The following BPIFB1 variants were observed in gnomAD, a reference collection of about 807,000 sequenced individuals.
BPIFB1 encodes the protein BPI fold-containing family B member 1.
A neutral mutation model predicts 55.1 loss-of-function variants in BPIFB1; 34 were observed. That is an observed-to-expected ratio of 0.62 (90% confidence interval 0.47 to 0.82). The LOEUF (loss-of-function observed/expected upper bound fraction) is 0.82. Ranked by LOEUF, BPIFB1 falls within the 40% of genes least tolerant of loss-of-function variation. The pLI is 0.00. For synonymous variants in BPIFB1, 236 were observed against 245.3 expected, an observed-to-expected ratio of 0.96 and a Z score of 0.35; for missense variants, 532 against 593.1, an observed-to-expected ratio of 0.90 and a Z score of 1.07.
In BPIFB1 at chr20:33,306,867, C is replaced by G. The variant is rs776991246; in HGVS notation, c.1319-44C>G. Reference sequence around the variant, plus strand: ...CTGAGCCTGCCCCTGGCTGCCCAGTCTCACCCCAGGCCCATCAGTTTCTGA... The same window carrying G: ...CTGAGCCTGCCCCTGGCTGCCCAGTGTCACCCCAGGCCCATCAGTTTCTGA... On this transcript the variant is annotated intron_variant, in intron 14 of 15. Coordinates refer to ENST00000253354, the MANE Select transcript of BPIFB1 (RefSeq NM_033197.3). The G allele has an allele frequency of 6.4e-6, 10 of 1,556,840 alleles. No individual in the cohort carries two copies. The African/African-American group carries it at 1.2e-4, about 19-fold the overall frequency.
At chr20:33,289,381 CAAAAAAAAAAAAACA>C (rs1254309834) in intron 3 of BPIFB1, among the ~76,000 whole-genome samples, 3 of 105,812 alleles carry the variant, frequency 2.8e-5, no homozygotes, top group Non-Finnish European at 6.1e-5. Context: ...GATTCTGTCT[CAAAAAAAAAAAAACA>C]AAAAAAAAAA....
intron 11 of BPIFB1, 107 bp downstream of exon 11, chr20:33,303,181 T>A: frequency 7.1e-7 from 1 of 1,413,574 alleles, no homozygotes; most frequent in South Asian, 1.3e-5. Flanking sequence ...TCTCATCACT[T>A]AGCAGGGACA....
intron 15 of BPIFB1, 29 bp downstream of exon 15, chr20:33,307,016 C>A: frequency 1.2e-6 from 2 of 1,600,244 alleles, no homozygotes; most frequent in Non-Finnish European, 1.7e-6. Flanking sequence ...AAACATCCTG[C>A]CCCAGGGAGG....
At chr20:33,297,894 G>C (rs976924216) in intron 7 of BPIFB1, among the ~76,000 whole-genome samples, 1 of 152,102 alleles carries the variant, frequency 6.6e-6, no homozygotes, top group Non-Finnish European at 1.5e-5. Context: ...CCTCATCCTC[G>C]GTTTCCTCAT....
intron 3 of BPIFB1, 102 bp from the exon 4 acceptor site, chr20:33,289,783 T>G: frequency 1.8e-6 from 2 of 1,094,344 alleles, no homozygotes; most frequent in Non-Finnish European, 1.4e-6. Context: ...AGGGTCCCGC[T>G]GCTGCCTAGG....
Position 33,289,880 on chromosome 20 carries a change from T to C in BPIFB1, c.258-5T>C, listed in dbSNP as rs750829400. 2.5e-6 allele frequency: 4 copies of C among 1,613,310 alleles called. No homozygotes were observed. The South Asian group carries it at 4.4e-5, about 18-fold the overall frequency. On this transcript the variant is annotated splice_region_variant and splice_polypyrimidine_tract_variant and intron_variant, in intron 3 of 15. Transcript: ENST00000253354. ...TGATTCTGATCTCTCCTAAACCCCA[T>C]CCAGGCTGAAGGTCATCACAGCTAA...
At chr20:33,294,985 C>T (rs1407110389) in intron 6 of BPIFB1, among the ~76,000 whole-genome samples, 1 of 152,152 alleles carries the variant, frequency 6.6e-6, no homozygotes, top group Non-Finnish European at 1.5e-5. Context: ...GAGGCCAAGG[C>T]AGGAGGATCC....
intron 15 of BPIFB1, among the ~76,000 whole-genome samples, chr20:33,308,868 TAC>T (rs1248019482): frequency 2.9e-5 from 4 of 136,532 alleles, no homozygotes; most frequent in East Asian, 2.1e-4. Context: ...ACATACACAC[TAC>T]ACACACACCA....
rs760499306 is a variant in BPIFB1, at chr20:33,289,930, C to T, written c.303C>T (p.Pro101=). Residue 101 remains proline (P), a synonymous_variant, in exon 4 of 16, where the codon CCC becomes CCT. Transcript: ENST00000253354. ...TANILQLQVK[P]SANDQELLVK... ...ACATCCTCCAGCTGCAGGTGAAGCC[C>T]TCGGCCAATGACCAGGAGCTGCTAG... The T allele has an allele frequency of 5.6e-6, 9 of 1,614,194 alleles. No homozygotes were observed. The South Asian group carries it at 7.7e-5, about 14-fold the overall frequency.
At chr20:33,298,384 A>G (rs1568651180) in intron 7 of BPIFB1, among the ~76,000 whole-genome samples, 1 of 152,224 alleles carries the variant, frequency 6.6e-6, no homozygotes, top group Non-Finnish European at 1.5e-5. Flanking sequence ...GAACTCTGCC[A>G]TGCTCAGGCC....
At chr20:33,298,122 G>A (rs1444502366) in intron 7 of BPIFB1, among the ~76,000 whole-genome samples, 6 of 152,118 alleles carry the variant, frequency 3.9e-5, no homozygotes, top group South Asian at 2.1e-4. Context: ...GCAGCCCCCG[G>A]ACTAGTTTTT....
intron 11 of BPIFB1, 60 bp from the exon 12 acceptor site, chr20:33,303,898 C>G: frequency 2.6e-6 from 4 of 1,557,524 alleles, no homozygotes; most frequent in Non-Finnish European, 3.5e-6. Context: ...CCTGCATAAC[C>G]CCTAATTCCA....
At chr20:33,285,963 C>G in intron 1 of BPIFB1, 70 bp from the exon 2 acceptor site, 5 of 952,650 alleles carry the variant, frequency 5.2e-6, no homozygotes, top group Non-Finnish European at 8.2e-6. Flanking sequence ...GGACACCGTG[C>G]CCCAGGTCAC....
rs114564847 is a variant in BPIFB1, at chr20:33,290,349, G to C, written c.365+357G>C. On this transcript the variant is annotated intron_variant, in intron 4 of 15. Coordinates refer to ENST00000253354, the MANE Select transcript of BPIFB1 (RefSeq NM_033197.3). The stretch of plus-strand genomic sequence containing the variant: ...ACATTTTTAAAGACTCCTGGCTGCT[G>C]TGGGGAAAAAAGACTTTCTGGGGGT... Among the ~76,000 whole-genome samples the C allele has an allele frequency of 6.4e-3, 982 of 152,274 alleles. 9 individuals carry two copies. Among genetic ancestry groups the C allele is most frequent in the African/African-American group, 0.022 (929 of 41,542 alleles).
At chr20:33,298,705 C>A (rs1378497639) in intron 7 of BPIFB1, 9 of 154,606 alleles carry the variant, frequency 5.8e-5, no homozygotes, top group African/African-American at 2.2e-4. Flanking sequence ...GAGTTCTGAG[C>A]GAGTGTCATT....
Position 33,288,892 on chromosome 20 carries a change from G to T in BPIFB1, c.257+10G>T. ...TGAAGCACATCATCTGGTGAGTGGA[G>T]CAGGACCACACCAGGAGCTAGCCCC... On this transcript the variant is annotated intron_variant, in intron 3 of 15. Coordinates refer to ENST00000253354, the MANE Select transcript of BPIFB1 (RefSeq NM_033197.3). The T allele has an allele frequency of 1.9e-6, 3 of 1,611,264 alleles. No homozygotes were observed. The highest frequency in any genetic ancestry group is 1.7e-6 in the Non-Finnish European group (2 of 1,179,220).
rs768610487 is a variant in BPIFB1 at position 33,289,895 on chromosome 20, A to G, written c.268A>G (p.Ile90Val). ...CTAAACCCCATCCAGGCTGAAGGTCATCACAGCTAACATCCTCCAGCTGCA... is the reference window on the plus strand; with the variant it reads ...CTAAACCCCATCCAGGCTGAAGGTCGTCACAGCTAACATCCTCCAGCTGCA... ...VLKHIIWLKV[I>V]TANILQLQVK... Residue 90 changes from isoleucine to valine, a missense_variant, in exon 4 of 16, where the codon ATC (isoleucine) becomes GTC (valine). By Grantham distance (29) the Ile-to-Val change is conservative. Transcript: ENST00000253354. 3 of 1,614,168 alleles carry G rather than the reference A, an allele frequency of 1.9e-6. No individual in the cohort carries two copies. The South Asian group carries it at 3.3e-5, about 18-fold the overall frequency.
At chr20:33,293,793 G>A (rs6057816) in intron 6 of BPIFB1, among the ~76,000 whole-genome samples, 95,413 of 152,062 alleles carry the variant, frequency 0.63, 31,786 homozygotes, top group African/African-American at 0.87. Flanking sequence ...GTGAGTCACA[G>A]TTGTGCCACT....
chr20:33,302,253 C>T (rs1038703186), intron 9 of BPIFB1, 106 bp from the exon 10 acceptor site: 3 of 1,218,156 alleles, frequency 2.5e-6, no homozygotes, highest in Non-Finnish European at 3.6e-6. Context: ...CTGGGCCCAC[C>T]CAGCTTTTCT....
Sources: gnomAD v4.1 joint callset for allele counts (sites outside exome capture counted in the v4.1 genomes callset) on GRCh38, gnomAD v4.1.1 for gene constraint, MANE v1.5 for transcripts, NCBI Gene and HGNC (gene_info 2026-07-23, HGNC 2026-07-21) for gene names.